Variants in SEMA6D observed in about 807,000 individuals in gnomAD.
SEMA6D encodes semaphorin-6D.
In SEMA6D, 35 loss-of-function variants were observed where a neutral mutation model predicts 106.6. That is an observed-to-expected ratio of 0.33 (90% CI 0.25 to 0.44). SEMA6D has a LOEUF of 0.44. Among genes scored for constraint, SEMA6D ranks in the 20% least tolerant of loss-of-function variants. The pLI, the probability that SEMA6D is intolerant of heterozygous loss-of-function variation, is 1.00. For missense variants in SEMA6D, 1,185 were observed against 1,345.9 expected, an observed-to-expected ratio of 0.88 and a Z score of 1.87; for synonymous variants, 499 against 487.7, an observed-to-expected ratio of 1.02 and a Z score of -0.31.
At chr15:47,631,204 C>T (rs2077287051) in intron 4 of SEMA6D, among the ~76,000 whole-genome samples, 1 of 151,820 alleles carries the variant, frequency 6.6e-6, no homozygotes, top group African/African-American at 2.4e-5. Context: ...TATAATTCTA[C>T]AGTGATAACT....
At chr15:47,351,702 C>T (rs2038332908) in intron 1 of SEMA6D, among the ~76,000 whole-genome samples, 1 of 152,124 alleles carries the variant, frequency 6.6e-6, no homozygotes, top group Admixed American at 6.6e-5. Flanking sequence ...TGTACTTGTT[C>T]CTTGAGGGCT....
intron 3 of SEMA6D, among the ~76,000 whole-genome samples, chr15:47,568,620 TTAA>T (rs1368995916): frequency 6.6e-6 from 1 of 152,202 alleles, no homozygotes; most frequent in Non-Finnish European, 1.5e-5. Flanking sequence ...TGATAAAATG[TTAA>T]TAATCATTCA....
chr15:47,679,958 A>G (rs1035323997), intron 4 of SEMA6D, among the ~76,000 whole-genome samples: 4 of 152,126 alleles, frequency 2.6e-5, no homozygotes, highest in Middle Eastern at 3.2e-3. Flanking sequence ...GCACCACAGA[A>G]TTTGGATTTC....
At chr15:47,576,333 C>A (rs2076156183) in intron 3 of SEMA6D, among the ~76,000 whole-genome samples, 1 of 152,176 alleles carries the variant, frequency 6.6e-6, no homozygotes, top group Admixed American at 6.5e-5. Context: ...CCAAGGAAAC[C>A]CCCAGTACTT....
intron 3 of SEMA6D, among the ~76,000 whole-genome samples, chr15:47,574,729 A>G (rs1418797987): frequency 6.6e-6 from 1 of 152,236 alleles, no homozygotes; most frequent in Non-Finnish European, 1.5e-5. Context: ...TTGCTATATG[A>G]TGTTCTTACA....
At chr15:47,305,218 T>C (rs910710675) in intron 1 of SEMA6D, among the ~76,000 whole-genome samples, 13 of 152,308 alleles carry the variant, frequency 8.5e-5, no homozygotes, top group African/African-American at 2.6e-4. Flanking sequence ...TGACTTAGAA[T>C]ATAGTGTGAC....
chr15:47,237,511 C>T (rs573183351), intron 1 of SEMA6D, among the ~76,000 whole-genome samples: 6 of 151,972 alleles, frequency 3.9e-5, no homozygotes, highest in South Asian at 2.1e-4. Flanking sequence ...GCACTATGAC[C>T]GAAGGGATAT....
intron 4 of SEMA6D, among the ~76,000 whole-genome samples, chr15:47,639,950 A>T (rs907926555): frequency 6.6e-6 from 1 of 152,226 alleles, no homozygotes; most frequent in Non-Finnish European, 1.5e-5. Flanking sequence ...GCAAAAAGAC[A>T]TTGGGTAAAA....
chr15:47,552,900 A>ATATTTT (rs1566883151), intron 3 of SEMA6D, among the ~76,000 whole-genome samples: 21 of 102,230 alleles, frequency 2.1e-4, no homozygotes, highest in Non-Finnish European at 2.6e-4. Context: ...AAATATATAT[A>ATATTTT]TATATAAATA....
intron 1 of SEMA6D, among the ~76,000 whole-genome samples, chr15:47,217,019 C>T (rs1433515600): frequency 1.3e-5 from 2 of 152,118 alleles, no homozygotes; most frequent in East Asian, 3.9e-4. Context: ...GATACCTCTT[C>T]CATATAAAAA....
chr15:47,398,443 G>C (rs540836987), intron 1 of SEMA6D, among the ~76,000 whole-genome samples: 1 of 152,292 alleles, frequency 6.6e-6, no homozygotes, highest in Admixed American at 6.5e-5. Context: ...AGCCTTCAGG[G>C]TAGGACCGCA....
At chr15:47,188,039 T>C (rs1893694092) in intron 1 of SEMA6D, among the ~76,000 whole-genome samples, 1 of 152,230 alleles carries the variant, frequency 6.6e-6, no homozygotes, top group Admixed American at 6.5e-5. Flanking sequence ...TTTGCTTTGC[T>C]ACATTTGAAT....
In SEMA6D at chr15:47,201,798, G is replaced by T. The variant is rs1284526591; in HGVS notation, c.-239+17380G>T. On this transcript the variant is annotated intron_variant, in intron 1 of 19. Coordinates refer to the SEMA6D transcript ENST00000558014. ...GACAATTGATTTACAGCCTGTTGCT[G>T]TTGGTCAGACCACCAGTTGGTCTCT... 4.6e-5 allele frequency among the ~76,000 whole-genome samples: 7 copies of T among 152,252 alleles called. No individual in the cohort carries two copies. The South Asian group carries it at 1.0e-3, about 23-fold the overall frequency.
At chr15:47,519,347 CAG>C (rs1566852037) in intron 3 of SEMA6D, among the ~76,000 whole-genome samples, 1 of 152,144 alleles carries the variant, frequency 6.6e-6, no homozygotes, top group Non-Finnish European at 1.5e-5. Context: ...CACTAGGTAA[CAG>C]AAATTCTTCG....
intron 4 of SEMA6D, among the ~76,000 whole-genome samples, chr15:47,705,994 CTGTT>C (rs1181038596): frequency 6.6e-6 from 1 of 152,170 alleles, no homozygotes; most frequent in Non-Finnish European, 1.5e-5. Flanking sequence ...ATGTGAAAGA[CTGTT>C]TGGGCAAAGG....
intron 1 of SEMA6D, among the ~76,000 whole-genome samples, chr15:47,245,611 T>C (rs1303105069): frequency 6.6e-6 from 1 of 152,238 alleles, no homozygotes; most frequent in African/African-American, 2.4e-5. Flanking sequence ...GAAGATGTTC[T>C]ACTGTTATGT....
intron 3 of SEMA6D, among the ~76,000 whole-genome samples, chr15:47,551,421 G>A (rs1028200350): frequency 1.3e-5 from 2 of 152,084 alleles, no homozygotes; most frequent in Non-Finnish European, 1.5e-5. Context: ...AAGGCCAGGC[G>A]GACAAAGTAA....
At chr15:47,449,295 A>G (rs2042118706) in intron 2 of SEMA6D, among the ~76,000 whole-genome samples, 1 of 152,138 alleles carries the variant, frequency 6.6e-6, no homozygotes, top group African/African-American at 2.4e-5. Flanking sequence ...AGATATGTTT[A>G]TGAAAATATT....
At chr15:47,280,548 G>T (rs2142505012) in intron 1 of SEMA6D, among the ~76,000 whole-genome samples, 1 of 56,026 alleles carries the variant, frequency 1.8e-5, no homozygotes, top group South Asian at 7.6e-4. Context: ...TCTGATTTTA[G>T]TTATTTCTTG....
Sources: gnomAD v4.1 joint callset for allele counts (sites outside exome capture counted in the v4.1 genomes callset) on GRCh38, gnomAD v4.1.1 for gene constraint, MANE v1.5 for transcripts, NCBI Gene and HGNC (gene_info 2026-07-23, HGNC 2026-07-21) for gene names.